Variants in RPL5 observed in about 807,000 individuals in gnomAD.
The protein encoded by RPL5 is ribosomal protein L5, also known as large ribosomal subunit protein uL18.
Under a neutral mutation model 38.4 loss-of-function variants are expected in RPL5, and 1 was observed. The observed-to-expected ratio is 0.03, with a 90% confidence interval of 0.01 to 0.12. The LOEUF is 0.12. Ranked by LOEUF, RPL5 falls within the 10% of genes least tolerant of loss-of-function variation. The pLI is 1.00. For missense variants in RPL5, 243 were observed against 374.1 expected (o/e 0.65, Z 2.89); for synonymous variants, 109 against 121.2 (o/e 0.90, Z 0.66).
chr1:92,840,855 G>A (rs767410210), intron 7 of RPL5: 5 of 669,232 alleles, frequency 7.5e-6, no homozygotes, highest in South Asian at 7.1e-5. Context: ...TACAGTCTAA[G>A]TACTGGTTAC....
At chr1:92,834,156 A>G (rs1687024996) in intron 3 of RPL5, among the ~76,000 whole-genome samples, 1 of 152,202 alleles carries the variant, frequency 6.6e-6, no homozygotes, top group East Asian at 1.9e-4. Flanking sequence ...GCCCATCCCA[A>G]TTCCAGTAGA....
intron 6 of RPL5, among the ~76,000 whole-genome samples, chr1:92,839,030 GC>G (rs1687233599): frequency 3.2e-5 from 4 of 125,172 alleles, no homozygotes; most frequent in Non-Finnish European, 6.8e-5. Context: ...GAGAGTTGCA[GC>G]TTTTTTTTTT....
At chr1:92,837,989 C>T (rs1289417471) in intron 6 of RPL5, among the ~76,000 whole-genome samples, 2 of 152,166 alleles carry the variant, frequency 1.3e-5, no homozygotes, top group Non-Finnish European at 2.9e-5. Context: ...TGGACTTTCC[C>T]ATTATCTCAG....
At chr1:92,835,042 G>A (rs1049430940) in intron 4 of RPL5, 129 bp downstream of exon 4, 10 of 1,356,918 alleles carry the variant, frequency 7.4e-6, no homozygotes, top group Non-Finnish European at 1.0e-5. Flanking sequence ...CCAGTTTTCT[G>A]CTTTGTTAAT....
At chr1:92,841,142 ACTC>A (rs1488742556) in intron 7 of RPL5, among the ~76,000 whole-genome samples, 4 of 152,064 alleles carry the variant, frequency 2.6e-5, no homozygotes, top group African/African-American at 4.8e-5. Flanking sequence ...ACAAAATCAT[ACTC>A]CTCCTGTTGG....
chr1:92,832,727 A>G (rs1242535707), intron 1 of RPL5: 1 of 425,720 alleles, frequency 2.3e-6, no homozygotes, highest in Non-Finnish European at 4.2e-6. Flanking sequence ...CCGTCGCCGG[A>G]TGAGTTTTTA....
chr1:92,837,200 A>G (rs1437948468), intron 5 of RPL5: 1 of 637,116 alleles, frequency 1.6e-6, no homozygotes, highest in African/African-American at 1.8e-5. Flanking sequence ...TGGATGACTA[A>G]TTTTGTAGTG....
Position 92,837,549 on chromosome 1 carries a change from C to T in RPL5, c.621C>T (p.Tyr207=), listed in dbSNP as rs1322065986. Residue 207 remains tyrosine (Y), a synonymous_variant, in exon 6 of 8, where the codon TAC becomes TAT. Coordinates refer to ENST00000370321, the MANE Select transcript of RPL5 (RefSeq NM_000969.5). ...KHIMGQNVAD[Y]MRYLMEEDED... ...TCATGGGCCAGAATGTTGCAGATTA[C>T]ATGCGCTACTTAATGGAAGAAGATG... 3 of 1,611,952 alleles carry T rather than the reference C, an allele frequency of 1.9e-6. No homozygotes were observed. Among genetic ancestry groups the T allele is most frequent in the Non-Finnish European group, 2.5e-6 (3 of 1,179,730 alleles).
At position 92,840,649 on chromosome 1, in the gene RPL5, C is replaced by T; in HGVS notation, c.794+10C>T. 1.3e-6 allele frequency: 2 copies of T among 1,573,302 alleles called. No homozygotes were observed. The highest frequency in any genetic ancestry group is 1.7e-6 in the Non-Finnish European group (2 of 1,154,962). ...AAGTTAAAAAGAAGAGGTATGTCGT[C>T]TTTTTTTTTGTCTTTTCAAGAAAAC... On this transcript the variant is annotated intron_variant, in intron 7 of 7. Transcript: ENST00000370321.
intron 5 of RPL5, 189 bp from the exon 6 acceptor site, chr1:92,837,267 T>C (rs1485984946): frequency 1.3e-6 from 1 of 769,404 alleles, no homozygotes; most frequent in Non-Finnish European, 2.4e-6. Flanking sequence ...TTCTTTTCTG[T>C]CCTGGAATTC....
At chr1:92,841,675 C>CT (rs1571040487) in intron 7 of RPL5, 91 bp from the exon 8 acceptor site, 1 of 764,548 alleles carries the variant, frequency 1.3e-6, no homozygotes, top group Non-Finnish European at 2.0e-6. Context: ...TAAATATTCT[C>CT]TATCAAAATT....
chr1:92,837,040 G>C lies in RPL5; in HGVS notation c.528-416G>C, dbSNP rs75670163. On this transcript the variant is annotated intron_variant, in intron 5 of 7. Transcript: ENST00000370321. ...TTGCTTTTATGATGTGGAGGTGGGT[G>C]GGGGGAGTTAGTTGCAAGTACACCA... The C allele has an allele frequency of 1.8e-3, 532 of 289,144 alleles. 6 individuals are homozygous for C. The East Asian group carries it at 0.023, about 13-fold the overall frequency. 17.9% of individuals were successfully genotyped at this position (289,144 alleles called of 1,614,324 possible).
rs762299279 is a variant in RPL5, at chr1:92,833,418, C to G, written c.33C>G (p.Ala11=). The G allele has an allele frequency of 1.9e-6, 3 of 1,613,806 alleles. No individual in the cohort carries two copies. Among genetic ancestry groups the G allele is most frequent in the South Asian group, 2.2e-5 (2 of 91,084 alleles). The change falls in exon 2 of 8, where the codon GCC becomes GCG. Residue 11 remains alanine, a synonymous_variant. Coordinates refer to ENST00000370321, the MANE Select transcript of RPL5 (RefSeq NM_000969.5). MGFVKVVKNK[A]YFKRYQVKFR... ...TTGTTAAAGTTGTTAAGAATAAGGC[C>G]TACTTTAAGAGATACCAAGTGAAAT...
intron 6 of RPL5, among the ~76,000 whole-genome samples, chr1:92,839,107 C>T (rs1557442924): frequency 6.8e-6 from 1 of 147,530 alleles, no homozygotes; most frequent in Non-Finnish European, 1.5e-5. Flanking sequence ...CGCCTGTAAT[C>T]CCCGGACTTG....
At chr1:92,836,671 TATTAGAA>T (rs893037425) in intron 5 of RPL5, 4 of 406,546 alleles carry the variant, frequency 9.8e-6, no homozygotes, top group African/African-American at 8.1e-5. Flanking sequence ...ACTTAATTCT[TATTAGAA>T]ATGAGCAACT....
rs142468589 is a variant in RPL5, at chr1:92,841,723, C to T, written c.795-43C>T. 1.6e-4 allele frequency: 206 copies of T among 1,268,594 alleles called. 1 individual carries two copies. The African/African-American group carries it at 2.6e-3, about 16-fold the overall frequency. 78.6% of individuals were successfully genotyped at this position (1,268,594 alleles called of 1,614,324 possible). A position where few individuals can be genotyped will look rare whatever the true frequency, so the allele number is the denominator to read the frequency against. ...AATTTTAAATTAAATATTCTATTCT[C>T]TTCAGTTATAGTTTAAAAAATATAT... On this transcript the variant is annotated intron_variant, in intron 7 of 7. Coordinates refer to ENST00000370321, the MANE Select transcript of RPL5 (RefSeq NM_000969.5).
At chr1:92,833,050 A>G (rs1686971911) in intron 1 of RPL5, 1 of 734,324 alleles carries the variant, frequency 1.4e-6, no homozygotes, top group Non-Finnish European at 2.5e-6. Flanking sequence ...AGAAACAAAT[A>G]TGGAAATTGA....
At chr1:92,832,576 G>A (rs12093767) in intron 1 of RPL5, among the ~76,000 whole-genome samples, 1 of 152,204 alleles carries the variant, frequency 6.6e-6, no homozygotes, top group Non-Finnish European at 1.5e-5. Flanking sequence ...GCAAGTCTTA[G>A]ATTTAGGAAG....
chr1:92,841,677 A>G, intron 7 of RPL5, 89 bp from the exon 8 acceptor site: 1 of 803,364 alleles, frequency 1.2e-6, no homozygotes, highest in Middle Eastern at 4.1e-4. Flanking sequence ...AATATTCTCT[A>G]TCAAAATTAA....
Sources: allele counts gnomAD v4.1 joint callset (sites outside exome capture counted in the v4.1 genomes callset), GRCh38; gene constraint gnomAD v4.1.1; transcripts MANE v1.5; gene names NCBI Gene and HGNC (gene_info 2026-07-23, HGNC 2026-07-21).